The following PHLDB2 variants were observed in gnomAD, a reference collection of about 807,000 sequenced individuals.
PHLDB2 encodes the protein pleckstrin homology like domain family B member 2.
A neutral mutation model predicts 123.6 loss-of-function variants in PHLDB2; 71 were observed. That is an observed-to-expected ratio of 0.57 (90% CI 0.47 to 0.70). PHLDB2 has a LOEUF of 0.70. PHLDB2 is among the 30% of genes least tolerant of loss of function. The probability of loss-of-function intolerance (pLI) is 0.00; values close to 1 mark genes in which losing one functional copy is unlikely to be tolerated. For missense variants in PHLDB2, 1,446 were observed against 1,519.5 expected (o/e 0.95, Z 0.80); for synonymous variants, 547 against 541.6 (o/e 1.01, Z -0.14).
At chr3:111,958,137 G>A (rs1465988249) in intron 12 of PHLDB2, 1 of 273,110 alleles carries the variant, frequency 3.7e-6, no homozygotes, top group African/African-American at 2.3e-5. Flanking sequence ...ATGAGTGCAT[G>A]TTGGAAGTGT....
chr3:111,894,260 A>G (rs1467666013), intron 2 of PHLDB2, among the ~76,000 whole-genome samples: 1 of 152,038 alleles, frequency 6.6e-6, no homozygotes, highest in Non-Finnish European at 1.5e-5. Flanking sequence ...TTGTGGCTGC[A>G]TAGTATTCCA....
chr3:111,888,148 C>A (rs2066281411), intron 2 of PHLDB2, among the ~76,000 whole-genome samples: 1 of 151,904 alleles, frequency 6.6e-6, no homozygotes, highest in Non-Finnish European at 1.5e-5. Context: ...TGAACATTAC[C>A]TATAATATTA....
intron 2 of PHLDB2, among the ~76,000 whole-genome samples, chr3:111,906,419 G>A (rs529792948): frequency 3.9e-5 from 6 of 152,222 alleles, no homozygotes; most frequent in Non-Finnish European, 7.3e-5. Flanking sequence ...ACAGGTAGCT[G>A]CAGAACCCAG....
At position 111,819,894 on chromosome 3, in the gene PHLDB2, C is replaced by T. The variant is rs188450539; in HGVS notation, c.-48-25927C>T. Among the ~76,000 whole-genome samples the T allele has an allele frequency of 3.7e-3, 564 of 152,286 alleles. 1 individual carries two copies. Among genetic ancestry groups the T allele is most frequent in the Middle Eastern group, 6.8e-3 (2 of 294 alleles). ...ATCAAATAAATTACTGAGTTTGAAA[C>T]CAAACAAGGTTGACAAGTCCTCATT... On this transcript the variant is annotated intron_variant, in intron 1 of 17. Transcript: ENST00000393923.
At chr3:111,736,954 A>T (rs1355769) in intron 1 of PHLDB2, among the ~76,000 whole-genome samples, 52,996 of 152,074 alleles carry the variant, frequency 0.35, 11,325 homozygotes, top group African/African-American at 0.6. Flanking sequence ...ATGAGTAGGG[A>T]CTAGAGACCC....
intron 1 of PHLDB2, among the ~76,000 whole-genome samples, chr3:111,780,424 G>A (rs1033972418): frequency 5.6e-5 from 8 of 143,624 alleles, no homozygotes; most frequent in African/African-American, 7.8e-5. Flanking sequence ...AGATTAGTTC[G>A]GCCCAACTTT....
Position 111,934,435 on chromosome 3 carries a change from A to G in PHLDB2, c.2130+2038A>G, listed in dbSNP as rs140034607. On this transcript the variant is annotated intron_variant, in intron 6 of 17. Coordinates refer to ENST00000431670, the MANE Select transcript of PHLDB2 (RefSeq NM_001134438.2). ...CCCTTGGGCATTTAAACTAGATTTA[A>G]TAAAGTTTGTTTTATTATAAATAGC... is the stretch of plus-strand genomic sequence containing the variant. Among the ~76,000 whole-genome samples the G allele has an allele frequency of 2.4e-3, 364 of 152,350 alleles. 1 individual carries two copies. Among genetic ancestry groups the G allele is most frequent in the African/African-American group, 8.4e-3 (348 of 41,588 alleles).
At chr3:111,766,758 C>T (rs904703656) in intron 1 of PHLDB2, among the ~76,000 whole-genome samples, 6 of 152,070 alleles carry the variant, frequency 3.9e-5, no homozygotes, top group South Asian at 4.1e-4. Flanking sequence ...CCAGGTTGTG[C>T]GCAGTGGCTC....
chr3:111,920,170 G>A, intron 4 of PHLDB2, 112 bp from the exon 5 acceptor site: 2 of 1,237,706 alleles, frequency 1.6e-6, no homozygotes, highest in South Asian at 3.4e-5. Flanking sequence ...CGATCTGGCT[G>A]CTACAGTATT....
intron 1 of PHLDB2, among the ~76,000 whole-genome samples, chr3:111,837,588 A>C (rs1332192092): frequency 2.6e-5 from 4 of 152,216 alleles, no homozygotes; most frequent in African/African-American, 9.6e-5. Flanking sequence ...TGGCTTGCTA[A>C]GGAGGGGCTA....
chr3:111,891,517 G>A (rs1036052815), intron 2 of PHLDB2, among the ~76,000 whole-genome samples: 1 of 151,742 alleles, frequency 6.6e-6, no homozygotes, highest in East Asian at 1.9e-4. Context: ...AGGAAAACAA[G>A]CTCAGGGCTC....
intron 1 of PHLDB2, among the ~76,000 whole-genome samples, chr3:111,798,414 A>G (rs1576639847): frequency 1.3e-5 from 2 of 152,220 alleles, no homozygotes; most frequent in South Asian, 4.1e-4. Flanking sequence ...GGTATGTTCT[A>G]GGCTTCCTTG....
intron 2 of PHLDB2, among the ~76,000 whole-genome samples, chr3:111,901,870 TATG>T (rs1316493256): frequency 1.3e-5 from 2 of 152,224 alleles, no homozygotes; most frequent in African/African-American, 4.8e-5. Flanking sequence ...GTATGGAAAT[TATG>T]ATGATACGGA....
At chr3:111,879,288 A>G (rs2065817965) in intron 1 of PHLDB2, among the ~76,000 whole-genome samples, 1 of 152,130 alleles carries the variant, frequency 6.6e-6, no homozygotes, top group African/African-American at 2.4e-5. Context: ...AGGAGAGGGT[A>G]TGTGTCCAGG....
chr3:111,946,301 C>T (rs774509812), intron 9 of PHLDB2, among the ~76,000 whole-genome samples: 3 of 152,150 alleles, frequency 2.0e-5, no homozygotes, highest in African/African-American at 4.8e-5. Flanking sequence ...GGATTACAGG[C>T]GTGAGCCACT....
In PHLDB2 at chr3:111,882,574, A is replaced by G. The variant is rs375982078; in HGVS notation, c.-14-1490A>G. ...AGAAACTTCATTTTTTTCTTGAGGT[A>G]CATTTAAAAAGATAAATTATGTTTG... On this transcript the variant is annotated intron_variant, in intron 1 of 17. Coordinates refer to ENST00000431670, the MANE Select transcript of PHLDB2 (RefSeq NM_001134438.2). Among the ~76,000 whole-genome samples the G allele has an allele frequency of 8.2e-4, 125 of 152,308 alleles. 1 individual carries two copies. The South Asian group carries it at 0.023, about 28-fold the overall frequency.
intron 1 of PHLDB2, among the ~76,000 whole-genome samples, chr3:111,805,203 T>A (rs2061524803): frequency 6.6e-6 from 1 of 152,190 alleles, no homozygotes; most frequent in Non-Finnish European, 1.5e-5. Flanking sequence ...ATAGCAGCTT[T>A]GTTCATTATA....
upstream of PHLDB2, chr3:111,859,235 TCTTAAAAAAAG>T (rs141117295): frequency 1.1e-3 from 1,080 of 985,282 alleles, 14 homozygotes; most frequent in African/African-American, 0.017. Flanking sequence ...TTCTTTCAGC[TCTTAAAAAAAG>T]CCTGCCACGA....
chr3:111,898,182 T>TTTGTGTGTG (rs2066985133), intron 2 of PHLDB2, among the ~76,000 whole-genome samples: 2,314 of 142,562 alleles, frequency 0.016, 48 homozygotes, highest in African/African-American at 0.058. Flanking sequence ...GTGTGTGTGT[T>TTTGTGTGTG]TGTGTGTGTG....
Sources: allele counts gnomAD v4.1 joint callset (sites outside exome capture counted in the v4.1 genomes callset), GRCh38; gene constraint gnomAD v4.1.1; transcripts MANE v1.5; gene names NCBI Gene and HGNC (gene_info 2026-07-23, HGNC 2026-07-21).